The following LAMA2 variants were observed in gnomAD, a reference collection of about 807,000 sequenced individuals.
The protein encoded by LAMA2 is laminin subunit alpha 2.
A neutral mutation model predicts 364.8 loss-of-function variants in LAMA2; 269 were observed. That is an observed-to-expected ratio of 0.74 (90% CI 0.67 to 0.82). The LOEUF is 0.82. Ranked by LOEUF, LAMA2 falls within the 40% of genes least tolerant of loss-of-function variation. The pLI is 0.00. For missense variants in LAMA2, 3,807 were observed against 3,873.2 expected, an observed-to-expected ratio of 0.98 and a Z score of 0.45; for synonymous variants, 1,379 against 1,370.6, an observed-to-expected ratio of 1.01 and a Z score of -0.14.
rs373768787 is a variant in LAMA2, at chr6:129,395,841, T to C, written c.5445+2586T>C. Among the ~76,000 whole-genome samples the C allele has an allele frequency of 1.1e-4, 17 of 152,134 alleles. No individual in the cohort carries two copies. The East Asian group carries it at 2.5e-3, about 22-fold the overall frequency. The stretch of plus-strand genomic sequence containing the variant: ...CATTTCAGAAACTGGGAAAAACATA[T>C]ACAAAGGCATGGAGGAAAGAAAATG... On this transcript the variant is annotated intron_variant, in intron 37 of 64. Coordinates refer to ENST00000421865, the MANE Select transcript of LAMA2 (RefSeq NM_000426.4).
chr6:129,112,781 T>C (rs377328186), intron 4 of LAMA2, among the ~76,000 whole-genome samples: 2 of 151,468 alleles, frequency 1.3e-5, no homozygotes. Flanking sequence ...GGTTGCCACA[T>C]AGAAAATGTG....
chr6:129,161,514 C>A (rs551403540), intron 8 of LAMA2, among the ~76,000 whole-genome samples: 1 of 151,994 alleles, frequency 6.6e-6, no homozygotes, highest in Non-Finnish European at 1.5e-5. Flanking sequence ...TTAGCAGTAC[C>A]TCTTTGTATA....
At chr6:129,013,007 G>A (rs1784855784) in intron 1 of LAMA2, among the ~76,000 whole-genome samples, 1 of 152,136 alleles carries the variant, frequency 6.6e-6, no homozygotes, top group Admixed American at 6.5e-5. Flanking sequence ...TCACCATCAG[G>A]CTATGTTATG....
rs2114859967 is a variant in LAMA2 at position 129,492,078 on chromosome 6, G to GT, written c.8075+2dup. 1 of 1,612,268 alleles carries GT rather than the reference G, an allele frequency of 6.2e-7. No individual in the cohort carries two copies. The highest frequency in any genetic ancestry group is 1.7e-5 in the Admixed American group (1 of 60,010). On this transcript the variant is annotated splice_donor_variant, in intron 57 of 64. Coordinates refer to ENST00000421865, the MANE Select transcript of LAMA2 (RefSeq NM_000426.4). LOFTEE classifies it high-confidence loss of function. ...TATGGAATCTTGTTATTAACTCTGT[G>GT]TAAGTGGATCTCCTCATTACTACTA...
At chr6:129,341,649 T>C (rs1167908515) in intron 29 of LAMA2, among the ~76,000 whole-genome samples, 1 of 152,246 alleles carries the variant, frequency 6.6e-6, no homozygotes, top group Non-Finnish European at 1.5e-5. Context: ...CCTAACTCCT[T>C]ATTGCATAAT....
At chr6:128,905,080 G>A (rs1777343571) in intron 1 of LAMA2, among the ~76,000 whole-genome samples, 2 of 152,170 alleles carry the variant, frequency 1.3e-5, no homozygotes, top group Admixed American at 6.5e-5. Context: ...TAAAGTTCTA[G>A]AAACTGGATA....
At chr6:128,970,391 C>A (rs1190856393) in intron 1 of LAMA2, among the ~76,000 whole-genome samples, 1 of 152,102 alleles carries the variant, frequency 6.6e-6, no homozygotes, top group Non-Finnish European at 1.5e-5. Flanking sequence ...TAATTTTGTT[C>A]TATGTTATAT....
intron 61 of LAMA2, among the ~76,000 whole-genome samples, chr6:129,506,079 A>G (rs9492334): frequency 0.66 from 100,209 of 151,886 alleles, 33,463 homozygotes; most frequent in Middle Eastern, 0.72. Flanking sequence ...TGGGTTGGGC[A>G]TGGTGGCTCA....
At chr6:128,945,674 C>T (rs1001542215) in intron 1 of LAMA2, among the ~76,000 whole-genome samples, 1 of 152,156 alleles carries the variant, frequency 6.6e-6, no homozygotes, top group Non-Finnish European at 1.5e-5. Flanking sequence ...TGTTTGAGGA[C>T]TTTGTGTATA....
rs149254699 is a variant in LAMA2, at chr6:129,291,630, C to A, written c.2766C>A (p.Ala922=). The A allele has an allele frequency of 6.8e-6, 11 of 1,613,686 alleles. No homozygotes were observed. Among genetic ancestry groups the A allele is most frequent in the Non-Finnish European group, 9.3e-6 (11 of 1,179,724 alleles). Residue 922 remains alanine, a synonymous_variant, in exon 20 of 65, where the codon GCC becomes GCA. Coordinates refer to ENST00000421865, the MANE Select transcript of LAMA2 (RefSeq NM_000426.4). ...AKNCQPCRCN[A]GGSFSEVCHS... is the part of the protein sequence containing the mutation. ...TCTTTGCAGCCTGTCGCTGTAATGC[C>A]GGTGGCTCTTTCTCTGAGGTTTGCC... is the stretch of plus-strand genomic sequence containing the variant.
chr6:129,009,036 T>G (rs1185879652), intron 1 of LAMA2, among the ~76,000 whole-genome samples: 2 of 152,182 alleles, frequency 1.3e-5, no homozygotes, highest in Admixed American at 1.3e-4. Context: ...ATATCTTCAT[T>G]CATGTTAAAC....
rs1003078673 is a variant in LAMA2 at position 129,460,448 on chromosome 6, G to A, written c.6992+124G>A. On this transcript the variant is annotated intron_variant, in intron 49 of 64. Coordinates refer to ENST00000421865, the MANE Select transcript of LAMA2 (RefSeq NM_000426.4). Reference sequence around the variant, plus strand: ...CAGGTTTGAAAGGATTATACTCAGAGGTGGAATTACCACAAAACTAATGAA... The same window carrying A: ...CAGGTTTGAAAGGATTATACTCAGAAGTGGAATTACCACAAAACTAATGAA... The A allele has an allele frequency of 2.4e-5, 24 of 1,010,736 alleles. 1 individual carries two copies. The Middle Eastern group carries it at 6.7e-4, about 28-fold the overall frequency. The allele number at this position is 1,010,736 out of a possible 1,614,324, so 62.6% of individuals were successfully genotyped here.
intron 18 of LAMA2, among the ~76,000 whole-genome samples, chr6:129,282,929 G>A (rs559996559): frequency 2.0e-5 from 3 of 152,200 alleles, no homozygotes; most frequent in African/African-American, 7.2e-5. Context: ...ATTCAAACAT[G>A]TAGCACAAGA....
intron 35 of LAMA2, among the ~76,000 whole-genome samples, chr6:129,385,258 AG>A (rs149858176): frequency 0.022 from 2,523 of 112,896 alleles, 74 homozygotes; most frequent in African/African-American, 0.075. Flanking sequence ...GGAAAGAGGA[AG>A]GGGGGGAAAG....
intron 1 of LAMA2, among the ~76,000 whole-genome samples, chr6:128,995,767 G>T (rs1401357069): frequency 6.6e-6 from 1 of 152,070 alleles, no homozygotes; most frequent in East Asian, 1.9e-4. Flanking sequence ...TTTTTGCAGA[G>T]ATTAGAATGT....
intron 41 of LAMA2, 53 bp from the exon 42 acceptor site, chr6:129,438,593 A>T: frequency 1.2e-6 from 1 of 868,280 alleles, no homozygotes; most frequent in Non-Finnish European, 2.0e-6. Flanking sequence ...TCCAAGTATA[A>T]GCTCAGGGAT....
At chr6:128,973,524 A>T (rs183476529) in intron 1 of LAMA2, among the ~76,000 whole-genome samples, 181 of 152,320 alleles carry the variant, frequency 1.2e-3, no homozygotes, top group African/African-American at 4.2e-3. Flanking sequence ...TGATTAAAAT[A>T]TTGAAACTAT....
chr6:129,182,551 A>T (rs12664813), intron 10 of LAMA2, among the ~76,000 whole-genome samples: 4,113 of 151,982 alleles, frequency 0.027, 127 homozygotes, highest in East Asian at 0.15. Context: ...GTTGAAATAG[A>T]TCTTCATGTA....
chr6:129,490,164 T>A (rs1784789718), intron 56 of LAMA2, among the ~76,000 whole-genome samples: 1 of 152,188 alleles, frequency 6.6e-6, no homozygotes, highest in South Asian at 2.1e-4. Context: ...TTAGCTGTAG[T>A]TTTCTAGCAA....
Sources: allele counts gnomAD v4.1 joint callset (sites outside exome capture counted in the v4.1 genomes callset), GRCh38; gene constraint gnomAD v4.1.1; transcripts MANE v1.5; gene names NCBI Gene and HGNC (gene_info 2026-07-23, HGNC 2026-07-21).